The following DOCK1 variants were observed in gnomAD, a reference collection of about 807,000 sequenced individuals.
DOCK1 encodes dedicator of cytokinesis 1, also known as dedicator of cytokinesis protein 1.
A neutral mutation model predicts 262.7 loss-of-function variants in DOCK1; 138 were observed. The observed-to-expected ratio is 0.53, with a 90% CI of 0.46 to 0.61. DOCK1 has a LOEUF of 0.61. Ranked by LOEUF, DOCK1 falls within the 20% of genes least tolerant of loss-of-function variation. DOCK1 has a pLI of 0.00. For missense variants in DOCK1, 1,908 were observed against 2,370.7 expected (o/e 0.80, Z 4.05); for synonymous variants, 866 against 867.4 (o/e 1.00, Z 0.03).
At chr10:126,952,956 TA>T (rs2036431396) in intron 1 of DOCK1, among the ~76,000 whole-genome samples, 15 of 276 alleles carry the variant, frequency 0.054, no homozygotes, top group African/African-American at 0.093. Context: ...GTAGTGGTAG[TA>T]TTTTTTGTTG....
intron 27 of DOCK1, among the ~76,000 whole-genome samples, chr10:127,177,954 T>G (rs1473722405): frequency 6.6e-6 from 1 of 152,220 alleles, no homozygotes; most frequent in African/African-American, 2.4e-5. Context: ...AGCAGGACCC[T>G]ACTTTAGTGG....
intron 29 of DOCK1, among the ~76,000 whole-genome samples, chr10:127,330,122 A>G (rs763911033): frequency 5.3e-5 from 8 of 152,160 alleles, no homozygotes; most frequent in Admixed American, 3.9e-4. Flanking sequence ...TTCAATCAAC[A>G]CATTTTATTT....
intron 1 of DOCK1, among the ~76,000 whole-genome samples, chr10:126,956,665 T>C (rs36164073): frequency 0.19 from 28,185 of 152,184 alleles, 3,977 homozygotes; most frequent in African/African-American, 0.39. Flanking sequence ...GACCTTCATA[T>C]GCAGGAGCTA....
intron 27 of DOCK1, among the ~76,000 whole-genome samples, chr10:127,143,647 G>C (rs967778778): frequency 3.9e-5 from 6 of 152,158 alleles, no homozygotes; most frequent in African/African-American, 1.4e-4. Context: ...CGCCAACTTG[G>C]CCGGTTTTAT....
chr10:126,919,658 A>G (rs2032970968), intron 1 of DOCK1, among the ~76,000 whole-genome samples: 2 of 152,130 alleles, frequency 1.3e-5, no homozygotes, highest in African/African-American at 4.8e-5. Context: ...CTGAGGGACA[A>G]AAGCTTTCTT....
At chr10:126,983,073 A>G (rs950487507) in intron 4 of DOCK1, among the ~76,000 whole-genome samples, 14 of 152,240 alleles carry the variant, frequency 9.2e-5, no homozygotes, top group Non-Finnish European at 1.9e-4. Flanking sequence ...ACAGGCAGAC[A>G]GAGACACATT....
At chr10:127,116,281 T>G (rs1351326586) in intron 25 of DOCK1, among the ~76,000 whole-genome samples, 1 of 152,224 alleles carries the variant, frequency 6.6e-6, no homozygotes, top group Non-Finnish European at 1.5e-5. Flanking sequence ...TGCTTTCATT[T>G]TTGAGCTTCT....
At chr10:126,933,393 A>G (rs2034326221) in intron 1 of DOCK1, among the ~76,000 whole-genome samples, 1 of 152,140 alleles carries the variant, frequency 6.6e-6, no homozygotes, top group Admixed American at 6.5e-5. Flanking sequence ...TCAGAGGGGT[A>G]AGGAAGAAGC....
At chr10:127,342,145 A>G (rs2063461459) in intron 30 of DOCK1, among the ~76,000 whole-genome samples, 1 of 152,054 alleles carries the variant, frequency 6.6e-6, no homozygotes, top group Non-Finnish European at 1.5e-5. Flanking sequence ...GTAGAAATGA[A>G]GATCTATTGT....
At chr10:127,352,793 A>G (rs891725146) in intron 31 of DOCK1, among the ~76,000 whole-genome samples, 2 of 152,092 alleles carry the variant, frequency 1.3e-5, no homozygotes, top group African/African-American at 4.8e-5. Flanking sequence ...GGGTTTCACC[A>G]TGTTGGCCAG....
intron 29 of DOCK1, among the ~76,000 whole-genome samples, chr10:127,336,256 A>G (rs2063186953): frequency 6.6e-6 from 1 of 152,094 alleles, no homozygotes; most frequent in Non-Finnish European, 1.5e-5. Flanking sequence ...TCATTTATGC[A>G]TGTCCTGGAA....
chr10:127,118,334 A>AT (rs1224736625), intron 25 of DOCK1, among the ~76,000 whole-genome samples: 2 of 151,830 alleles, frequency 1.3e-5, no homozygotes, highest in African/African-American at 2.4e-5. Flanking sequence ...CATCTTGCCA[A>AT]TTTTTTCATC....
chr10:127,158,185 T>C (rs2133606557), intron 27 of DOCK1, among the ~76,000 whole-genome samples: 1 of 152,366 alleles, frequency 6.6e-6, no homozygotes, highest in African/African-American at 2.4e-5. Flanking sequence ...AGTGCTGTTA[T>C]GGAATTTCCC....
At chr10:127,077,198 C>G (rs1182140062) in intron 23 of DOCK1, among the ~76,000 whole-genome samples, 1 of 151,970 alleles carries the variant, frequency 6.6e-6, no homozygotes, top group Non-Finnish European at 1.5e-5. Context: ...AGTTTGAGAC[C>G]AACCTGGCCA....
intron 44 of DOCK1, among the ~76,000 whole-genome samples, chr10:127,417,354 T>G (rs1417810763): frequency 6.6e-6 from 1 of 152,168 alleles, no homozygotes; most frequent in African/African-American, 2.4e-5. Context: ...TGGAGGGCAC[T>G]GGGCTGGGAC....
intron 15 of DOCK1, 123 bp from the exon 16 acceptor site, chr10:127,026,229 A>G (rs978189272): frequency 9.6e-6 from 9 of 934,630 alleles, no homozygotes; most frequent in Non-Finnish European, 1.3e-5. Flanking sequence ...GACTAGGTGT[A>G]CAGTATTTTC....
intron 1 of DOCK1, among the ~76,000 whole-genome samples, chr10:126,910,613 C>T (rs1162736853): frequency 6.6e-6 from 1 of 152,190 alleles, no homozygotes; most frequent in Non-Finnish European, 1.5e-5. Context: ...GTAGCCATTA[C>T]TAGTTTCACC....
chr10:126,945,730 A>T (rs2035349308), intron 1 of DOCK1, among the ~76,000 whole-genome samples: 1 of 152,200 alleles, frequency 6.6e-6, no homozygotes, highest in Non-Finnish European at 1.5e-5. Flanking sequence ...GTCCCAAGAA[A>T]CACGTGTTCA....
In DOCK1 at chr10:127,439,188, C is replaced by T. The variant is rs867511436; in HGVS notation, c.5222C>T (p.Ser1741Phe). ...AAAGAATTTAAACCCACCGACATTT[C>T]CCTGCAGCAGTCTGAGGCTGTGATC... Reference protein sequence around the residue: ...FEKEFKPTDISLQQSEAVILS... With the variant: ...FEKEFKPTDIFLQQSEAVILS... The change falls in exon 49 of 52, where the codon TCC (serine) becomes TTC (phenylalanine). Residue 1741 changes from serine to phenylalanine, a missense_variant. Ser to Phe is a radical substitution (Grantham distance 155). Coordinates refer to ENST00000623213, the MANE Select transcript of DOCK1 (RefSeq NM_001290223.2). The T allele has an allele frequency of 1.2e-6, 2 of 1,611,684 alleles. No individual in the cohort carries two copies. Among genetic ancestry groups the T allele is most frequent in the Admixed American group, 1.7e-5 (1 of 59,772 alleles).
Sources: allele counts gnomAD v4.1 joint callset (sites outside exome capture counted in the v4.1 genomes callset), GRCh38; gene constraint gnomAD v4.1.1; transcripts MANE v1.5; gene names NCBI Gene and HGNC (gene_info 2026-07-23, HGNC 2026-07-21).